DIPK2B: variants seen among roughly 807,000 people sequenced by gnomAD.
The protein encoded by DIPK2B is UPF0672 protein CXorf36.
Under a neutral mutation model 22.2 loss-of-function variants are expected in DIPK2B, and 15 were observed. The ratio of observed to expected loss-of-function variants is 0.68; its 90% CI spans 0.45 to 1.04. DIPK2B has a LOEUF of 1.04. DIPK2B is among the 50% of genes least tolerant of loss of function. DIPK2B has a pLI of 0.00. For synonymous variants in DIPK2B, 163 were observed against 153.2 expected (o/e 1.06, Z -0.47); for missense variants, 345 against 348.3 (o/e 0.99, Z 0.08).
At chrX:45,157,506 C>G (rs1440221826) in intron 3 of DIPK2B, among the ~76,000 whole-genome samples, 1 of 111,852 alleles carries the variant, frequency 8.9e-6, no homozygotes, top group African/African-American at 3.3e-5. Flanking sequence ...ATCCCCATCC[C>G]GCTCCCAGCT....
At chrX:45,173,809 G>C in intron 2 of DIPK2B, among the ~76,000 whole-genome samples, 1 of 110,373 alleles carries the variant, frequency 9.1e-6, no homozygotes, top group African/African-American at 3.3e-5. Context: ...GAGCTCAAGC[G>C]ATCCTCCCGC....
At chrX:45,178,891 C>A (rs2047133635) in intron 2 of DIPK2B, among the ~76,000 whole-genome samples, 1 of 111,466 alleles carries the variant, frequency 9.0e-6, no homozygotes, top group Non-Finnish European at 1.9e-5. Context: ...TAGTGAATAT[C>A]CTGGGCTTTC....
intron 3 of DIPK2B, among the ~76,000 whole-genome samples, chrX:45,154,662 T>C (rs2046983230): frequency 8.9e-6 from 1 of 111,832 alleles, no homozygotes; most frequent in Non-Finnish European, 1.9e-5. Flanking sequence ...GCCACAATTT[T>C]AGATAGCATC....
At chrX:45,154,811 C>CT (rs575361730) in intron 3 of DIPK2B, among the ~76,000 whole-genome samples, 85 of 100,614 alleles carry the variant, frequency 8.4e-4, no homozygotes, top group African/African-American at 9.3e-4. Flanking sequence ...TAAAGCAAAA[C>CT]TTTTTTTTTT....
intron 2 of DIPK2B, among the ~76,000 whole-genome samples, chrX:45,176,841 T>C (rs2047121363): frequency 8.9e-6 from 1 of 111,752 alleles, no homozygotes; most frequent in South Asian, 3.8e-4. Flanking sequence ...CAGTTGTCTC[T>C]TCTCCAAGAT....
At chrX:45,193,595 C>T (rs893749999) in intron 1 of DIPK2B, among the ~76,000 whole-genome samples, 1 of 112,005 alleles carries the variant, frequency 8.9e-6, no homozygotes, top group African/African-American at 3.3e-5. Flanking sequence ...GAGTTATGCA[C>T]TAGAGCTCCA....
At chrX:45,186,772 G>T (rs2047184952) in intron 2 of DIPK2B, among the ~76,000 whole-genome samples, 1 of 111,901 alleles carries the variant, frequency 8.9e-6, no homozygotes, top group South Asian at 3.7e-4. Context: ...ATCGAATATG[G>T]TCTATCTCCC....
At chrX:45,199,204 C>T (rs188188488) in intron 1 of DIPK2B, among the ~76,000 whole-genome samples, 76 of 112,533 alleles carry the variant, frequency 6.8e-4, no homozygotes, top group African/African-American at 2.2e-3. Flanking sequence ...ATTGGTATTT[C>T]TATCTATTAT....
intron 1 of DIPK2B, among the ~76,000 whole-genome samples, chrX:45,198,993 C>T (rs1214062264): frequency 1.8e-5 from 2 of 111,432 alleles, no homozygotes; most frequent in Non-Finnish European, 3.8e-5. Flanking sequence ...GTCCACTTTG[C>T]ACGAGCTCTT....
chrX:45,154,088 T>C lies in DIPK2B; in HGVS notation c.783A>G (p.Pro261=). 2 of 1,211,167 alleles carry C rather than the reference T, an allele frequency of 1.7e-6. No homozygotes were observed. The highest frequency in any genetic ancestry group is 2.2e-6 in the Non-Finnish European group (2 of 895,289). Reference sequence around the variant, plus strand: ...GGTAGGCAAGGTCGGCTGCCTGATCTGGGGGTGCATCATAGAATTCCTGCA... The same window carrying C: ...GGTAGGCAAGGTCGGCTGCCTGATCCGGGGGTGCATCATAGAATTCCTGCA... ...RPLQEFYDAP[P]DQAADLAYQL... The change falls in exon 4 of 5, where the codon CCA becomes CCG. Residue 261 remains proline, a synonymous_variant. Coordinates refer to ENST00000398000, the MANE Select transcript of DIPK2B (RefSeq NM_176819.4).
chrX:45,193,988 A>T (rs1343928600), intron 1 of DIPK2B, among the ~76,000 whole-genome samples: 1 of 111,145 alleles, frequency 9.0e-6, no homozygotes, highest in Non-Finnish European at 1.9e-5. Flanking sequence ...TTAGATAACG[A>T]TAAGAGTAAC....
chrX:45,179,432 A>G (rs1233091268), intron 2 of DIPK2B, among the ~76,000 whole-genome samples: 1 of 111,261 alleles, frequency 9.0e-6, no homozygotes. Context: ...TATCAACACA[A>G]ACAGAAGTGG....
chrX:45,192,191 A>G (rs776868881), intron 1 of DIPK2B, among the ~76,000 whole-genome samples, 176 bp from the exon 2 acceptor site: 2 of 112,149 alleles, frequency 1.8e-5, no homozygotes, highest in South Asian at 3.8e-4. Flanking sequence ...ACGGTAGTGT[A>G]TATGTCATAT....
At chrX:45,182,533 A>G (rs1460376771) in intron 2 of DIPK2B, among the ~76,000 whole-genome samples, 4 of 112,918 alleles carry the variant, frequency 3.5e-5, no homozygotes, top group Non-Finnish European at 7.5e-5. Context: ...TGACTCAACA[A>G]TTCCACTTTT....
intron 2 of DIPK2B, among the ~76,000 whole-genome samples, chrX:45,182,543 T>C (rs1190999609): frequency 8.9e-6 from 1 of 112,859 alleles, no homozygotes; most frequent in Non-Finnish European, 1.9e-5. Flanking sequence ...ATTCCACTTT[T>C]GTGTGCTTAT....
intron 3 of DIPK2B, 115 bp from the exon 4 acceptor site, chrX:45,154,313 ATCTATCTG>A (rs200109683): frequency 0.021 from 12,684 of 606,298 alleles, 122 homozygotes; most frequent in African/African-American, 0.063. Context: ...CTATCTATCT[ATCTATCTG>A]TCTATCTATA....
chrX:45,153,962 C>A lies in DIPK2B; in HGVS notation c.909G>T (p.Gly303=). The A allele has an allele frequency of 1.7e-6, 2 of 1,210,676 alleles. No individual in the cohort carries two copies. Among genetic ancestry groups the A allele is most frequent in the Non-Finnish European group, 2.2e-6 (2 of 895,004 alleles). ...DAGMFGVFNN[G]HLFIRDASAV... ...CACTGGCATCCCGGATGAACAGATGCCCGTTGTTAAAGACGCCGAACATGC... is the reference window on the plus strand; with the variant it reads ...CACTGGCATCCCGGATGAACAGATGACCGTTGTTAAAGACGCCGAACATGC... The change falls in exon 4 of 5, where the codon GGG becomes GGT. Residue 303 remains glycine (G), a synonymous_variant. Coordinates refer to ENST00000398000, the MANE Select transcript of DIPK2B (RefSeq NM_176819.4).
intron 2 of DIPK2B, among the ~76,000 whole-genome samples, chrX:45,175,154 G>A (rs900017923): frequency 8.9e-6 from 1 of 111,858 alleles, no homozygotes; most frequent in Admixed American, 9.5e-5. Flanking sequence ...TGTATGTGAA[G>A]CATGCCGGGT....
At chrX:45,188,019 G>C (rs757769758) in intron 2 of DIPK2B, among the ~76,000 whole-genome samples, 1 of 111,619 alleles carries the variant, frequency 9.0e-6, no homozygotes, top group Non-Finnish European at 1.9e-5. Flanking sequence ...GGCCTGACAG[G>C]TAGGCTGAGC....
Sources: allele counts gnomAD v4.1 joint callset (sites outside exome capture counted in the v4.1 genomes callset), GRCh38; gene constraint gnomAD v4.1.1; transcripts MANE v1.5; gene names NCBI Gene and HGNC (gene_info 2026-07-23, HGNC 2026-07-21).